Variants in CCDC178 observed in about 807,000 individuals in gnomAD.
The protein encoded by CCDC178 is coiled-coil domain containing 178, also known as coiled-coil domain-containing protein 178.
In CCDC178, 126 loss-of-function variants were observed where a neutral mutation model predicts 117.4. The ratio of observed to expected loss-of-function variants is 1.07; its 90% CI spans 0.93 to 1.24. The LOEUF (loss-of-function observed/expected upper bound fraction) is 1.24, where lower values mean the gene tolerates loss of function less well. Among genes scored for constraint, CCDC178 ranks in the 50% most tolerant of loss-of-function variants. CCDC178 has a pLI of 0.00. For missense variants in CCDC178, 1,030 were observed against 986.9 expected (o/e 1.04, Z -0.59); for synonymous variants, 283 against 313.4 (o/e 0.90, Z 1.02).
intron 20 of CCDC178, among the ~76,000 whole-genome samples, chr18:33,169,072 A>G (rs763030736): frequency 3.3e-5 from 5 of 152,196 alleles, no homozygotes; most frequent in East Asian, 1.9e-4. Flanking sequence ...AAGCATTTCA[A>G]TTGTCACTGA....
chr18:33,180,394 G>A (rs995730202), intron 20 of CCDC178, among the ~76,000 whole-genome samples: 1 of 151,626 alleles, frequency 6.6e-6, no homozygotes, highest in African/African-American at 2.4e-5. Context: ...CAACAGATCA[G>A]TAATTTTGAT....
At chr18:33,197,301 T>C (rs908064592) in intron 20 of CCDC178, among the ~76,000 whole-genome samples, 1 of 152,226 alleles carries the variant, frequency 6.6e-6, no homozygotes, top group South Asian at 2.1e-4. Context: ...GGTGATGAGA[T>C]TGCAGGTGCG....
chr18:33,189,815 A>G (rs1275680619), intron 20 of CCDC178, among the ~76,000 whole-genome samples: 1 of 152,222 alleles, frequency 6.6e-6, no homozygotes, highest in African/African-American at 2.4e-5. Flanking sequence ...ACCTTTGACT[A>G]TAAGATTCCA....
intron 20 of CCDC178, among the ~76,000 whole-genome samples, chr18:33,125,977 A>G (rs1014792021): frequency 2.6e-4 from 40 of 152,182 alleles, no homozygotes; most frequent in African/African-American, 9.4e-4. Flanking sequence ...AGTCCAGGGA[A>G]GCCCCTGAAG....
intron 21 of CCDC178, among the ~76,000 whole-genome samples, chr18:32,998,843 G>A (rs1419486068): frequency 6.6e-6 from 1 of 152,072 alleles, no homozygotes; most frequent in Non-Finnish European, 1.5e-5. Context: ...GGCAGTGTTG[G>A]TGAGATACCC....
At chr18:33,011,767 CAAAAAAAAAAAAAAAAAAAAAAAAAAAAA>C (rs71177899) in intron 21 of CCDC178, among the ~76,000 whole-genome samples, 10 of 30,014 alleles carry the variant, frequency 3.3e-4, no homozygotes, top group African/African-American at 3.8e-4. Flanking sequence ...GAGCAGAATG[CAAAAAAAAAAAAAAAAAAAAAAAAAAAAA>C]AAAAAAAAAA....
chr18:33,427,965 G>T (rs974029584), intron 2 of CCDC178, among the ~76,000 whole-genome samples: 17 of 152,180 alleles, frequency 1.1e-4, no homozygotes, highest in African/African-American at 4.1e-4. Flanking sequence ...AAAATATAAA[G>T]TACTTACATC....
At chr18:33,249,381 T>G (rs575256389) in intron 14 of CCDC178, among the ~76,000 whole-genome samples, 1 of 152,234 alleles carries the variant, frequency 6.6e-6, no homozygotes, top group East Asian at 1.9e-4. Context: ...AGTTTTCTTC[T>G]AGGGTTTTTA....
At chr18:33,082,478 A>C (rs2057313377) in intron 21 of CCDC178, among the ~76,000 whole-genome samples, 1 of 152,238 alleles carries the variant, frequency 6.6e-6, no homozygotes, top group South Asian at 2.1e-4. Context: ...ATCAAAAAGA[A>C]GAATATGAAT....
At chr18:33,123,995 A>G (rs1241874032) in intron 20 of CCDC178, among the ~76,000 whole-genome samples, 1 of 152,182 alleles carries the variant, frequency 6.6e-6, no homozygotes, top group Non-Finnish European at 1.5e-5. Flanking sequence ...GAACGGCACT[A>G]AACTGATGAG....
intron 20 of CCDC178, among the ~76,000 whole-genome samples, chr18:33,112,182 T>TA (rs1345171775): frequency 1.3e-5 from 2 of 151,814 alleles, no homozygotes; most frequent in Non-Finnish European, 2.9e-5. Context: ...CATAGTTTTT[T>TA]ATATAGTTTT....
chr18:33,407,238 T>C (rs911473207), intron 3 of CCDC178, among the ~76,000 whole-genome samples: 36 of 152,294 alleles, frequency 2.4e-4, no homozygotes, highest in African/African-American at 8.4e-4. Flanking sequence ...ATACACACTT[T>C]ATATGAGTCT....
At chr18:33,370,377 A>C (rs1568181746) in intron 5 of CCDC178, among the ~76,000 whole-genome samples, 188 bp from the exon 6 acceptor site, 1 of 151,990 alleles carries the variant, frequency 6.6e-6, no homozygotes, top group Non-Finnish European at 1.5e-5. Context: ...AAATAAAATA[A>C]TCATTTATGA....
chr18:33,406,002 T>C (rs1215517833), intron 3 of CCDC178, among the ~76,000 whole-genome samples: 1 of 152,052 alleles, frequency 6.6e-6, no homozygotes, highest in Non-Finnish European at 1.5e-5. Context: ...GAAGACGGAA[T>C]GCAAAGGCAA....
chr18:33,084,668 T>C (rs1463160684), intron 21 of CCDC178, among the ~76,000 whole-genome samples: 4 of 151,494 alleles, frequency 2.6e-5, no homozygotes, highest in South Asian at 4.2e-4. Flanking sequence ...AAAAATTAGC[T>C]GGGCGGGGTG....
intron 12 of CCDC178, among the ~76,000 whole-genome samples, chr18:33,272,461 T>C (rs764826447): frequency 7.3e-5 from 11 of 151,652 alleles, no homozygotes; most frequent in Non-Finnish European, 1.6e-4. Flanking sequence ...TGGTGAATAC[T>C]ACTAGATGTT....
chr18:33,370,181 TA>T lies in CCDC178; in HGVS notation c.216del (p.Asn72LysfsTer17). On this transcript the variant is annotated frameshift_variant, in exon 6 of 23. Coordinates refer to ENST00000383096, the MANE Select transcript of CCDC178 (RefSeq NM_001105528.4). LOFTEE classifies it high-confidence loss of function. Reference protein sequence around the residue: ...ESKMTNTEGVNKGIYFSYPCR... With the variant: ...ESKMTNTEGVXKGIYFSYPCR... ...CATGGGTAGCTAAAGTAAATGCCTT[TA>T]TTCACCCCTAAAGAGAACAAATAGA... The T allele has an allele frequency of 6.2e-7, 1 of 1,601,346 alleles. No individual in the cohort carries two copies. Among genetic ancestry groups the T allele is most frequent in the Non-Finnish European group, 8.5e-7 (1 of 1,174,132 alleles).
chr18:33,051,692 G>T (rs1457859261), intron 21 of CCDC178, among the ~76,000 whole-genome samples: 2 of 152,226 alleles, frequency 1.3e-5, no homozygotes, highest in Non-Finnish European at 2.9e-5. Context: ...TGCTTTCCAA[G>T]ACAGCCAGAA....
At chr18:33,110,310 T>C (rs774066152) in intron 20 of CCDC178, among the ~76,000 whole-genome samples, 2 of 151,626 alleles carry the variant, frequency 1.3e-5, no homozygotes, top group Admixed American at 6.6e-5. Flanking sequence ...GTTGGACATA[T>C]GTATCTAAAG....
Sources: gnomAD v4.1 joint callset for allele counts (sites outside exome capture counted in the v4.1 genomes callset) on GRCh38, gnomAD v4.1.1 for gene constraint, MANE v1.5 for transcripts, NCBI Gene and HGNC (gene_info 2026-07-23, HGNC 2026-07-21) for gene names.